TDRD1: variants seen among roughly 807,000 people sequenced by gnomAD.
The protein encoded by TDRD1 is tudor domain containing 1.
TDRD1 carries 37 observed loss-of-function variants against 140.6 expected under a neutral mutation model. The observed-to-expected ratio is 0.26, with a 90% CI of 0.20 to 0.35. TDRD1 has a LOEUF of 0.35. Ranked by LOEUF, TDRD1 falls within the 10% of genes least tolerant of loss-of-function variation. The probability of loss-of-function intolerance (pLI) is 1.00; values close to 1 mark genes in which losing one functional copy is unlikely to be tolerated. For missense variants in TDRD1, 1,243 were observed against 1,393.0 expected (o/e 0.89, Z 1.71); for synonymous variants, 506 against 475.7 (o/e 1.06, Z -0.83).
chr10:114,186,046 A>G (rs1346089369), intron 1 of TDRD1, among the ~76,000 whole-genome samples: 2 of 152,098 alleles, frequency 1.3e-5, no homozygotes, highest in African/African-American at 4.8e-5. Flanking sequence ...ACTCATTGAT[A>G]CTTGGATTAC....
chr10:114,177,489 A>C (rs925376572), upstream of TDRD1, among the ~76,000 whole-genome samples: 16 of 152,238 alleles, frequency 1.1e-4, no homozygotes, highest in African/African-American at 3.6e-4. Context: ...GACAAATTCC[A>C]AAAGTAGGGC....
At chr10:114,208,049 G>T (rs1335102570) in intron 11 of TDRD1, among the ~76,000 whole-genome samples, 1 of 152,074 alleles carries the variant, frequency 6.6e-6, no homozygotes, top group Non-Finnish European at 1.5e-5. Flanking sequence ...TGCTGCCAGT[G>T]GGGAGTATGT....
chr10:114,203,491 C>A (rs1346117004), exon 8 of TDRD1: 1 of 1,613,910 alleles, frequency 6.2e-7, no homozygotes, highest in Non-Finnish European at 8.5e-7. Flanking sequence ...TTAAAAGAAA[C>A]ATATGCAAAT....
intron 11 of TDRD1, among the ~76,000 whole-genome samples, chr10:114,206,734 C>T (rs537362641): frequency 6.6e-6 from 1 of 151,702 alleles, no homozygotes; most frequent in African/African-American, 2.4e-5. Flanking sequence ...CTACCTCAGC[C>T]TCCGGAGGAG....
At chr10:114,180,175 C>T (rs2032923112) in intron 1 of TDRD1, 1 of 152,174 alleles carries the variant, frequency 6.6e-6, no homozygotes, top group Non-Finnish European at 1.5e-5. Context: ...AAATTTTGTG[C>T]TTGTAGGAGT....
At chr10:114,231,499 T>C (rs1315409778) in exon 26 of TDRD1, 2 of 1,602,816 alleles carry the variant, frequency 1.2e-6, no homozygotes, top group Non-Finnish European at 1.7e-6. Context: ...CAGCATCTCT[T>C]GGAGGTAAAC....
chr10:114,206,683 G>A (rs1589688423), intron 11 of TDRD1, among the ~76,000 whole-genome samples: 5 of 147,198 alleles, frequency 3.4e-5, no homozygotes, highest in African/African-American at 1.0e-4. Flanking sequence ...GCATGGTCTC[G>A]GCTCCCTGTA....
intron 1 of TDRD1, among the ~76,000 whole-genome samples, chr10:114,183,026 C>G (rs997294907): frequency 2.6e-5 from 4 of 152,240 alleles, no homozygotes; most frequent in South Asian, 2.1e-4. Flanking sequence ...TATAAAGCAC[C>G]ATGGTGGATA....
chr10:114,212,472 A>G (rs1373596383), intron 14 of TDRD1, among the ~76,000 whole-genome samples: 1 of 152,340 alleles, frequency 6.6e-6, no homozygotes, highest in African/African-American at 2.4e-5. Context: ...AGTATGAGAG[A>G]GTCCATTCTC....
intron 11 of TDRD1, among the ~76,000 whole-genome samples, chr10:114,208,904 G>T (rs534507495): frequency 2.6e-5 from 4 of 151,946 alleles, no homozygotes; most frequent in South Asian, 2.1e-4. Flanking sequence ...CTCCCAAGTG[G>T]CTGGGACTAG....
intron 19 of TDRD1, among the ~76,000 whole-genome samples, 184 bp downstream of exon 19, chr10:114,221,027 G>A (rs2036112595): frequency 6.6e-6 from 1 of 152,058 alleles, no homozygotes; most frequent in Admixed American, 6.6e-5. Flanking sequence ...GTAATTGTCA[G>A]ATAAACATAT....
intron 23 of TDRD1, among the ~76,000 whole-genome samples, chr10:114,227,672 C>G (rs1386807883): frequency 6.6e-6 from 1 of 152,160 alleles, no homozygotes. Context: ...TTTGACAGAC[C>G]TGGCCTCAAT....
At chr10:114,231,420 T>G in intron 25 of TDRD1, 2 of 1,318,430 alleles carry the variant, frequency 1.5e-6, no homozygotes, top group Admixed American at 2.0e-5. Context: ...GTATTTGAAA[T>G]TAAAAGCCAT....
chr10:114,203,202 A>G (rs994570908), intron 7 of TDRD1, 26 bp downstream of exon 7: 2 of 1,559,516 alleles, frequency 1.3e-6, no homozygotes, highest in African/African-American at 2.7e-5. Context: ...CAATCTCCAT[A>G]GACACAGATC....
chr10:114,224,515 C>G (rs2036324210), intron 21 of TDRD1, among the ~76,000 whole-genome samples: 1 of 152,122 alleles, frequency 6.6e-6, no homozygotes, highest in Non-Finnish European at 1.5e-5. Flanking sequence ...GTTTTCTGTT[C>G]TGTTAGGAGC....
exon 12 of TDRD1, chr10:114,210,682 T>A: frequency 6.2e-7 from 1 of 1,613,018 alleles, no homozygotes. Context: ...AGGTGATGAG[T>A]TTTGTGGTGT....
chr10:114,188,302 A>T (rs938246022), intron 2 of TDRD1, 146 bp downstream of exon 2: 15 of 751,648 alleles, frequency 2.0e-5, no homozygotes, highest in African/African-American at 5.3e-5. Context: ...ATTAATTTAG[A>T]AGGAAAAACC....
chr10:114,213,870 A>T, intron 15 of TDRD1, 107 bp from the exon 16 acceptor site: 6 of 1,003,590 alleles, frequency 6.0e-6, no homozygotes, highest in Non-Finnish European at 9.0e-6. Context: ...AAAGGCACTT[A>T]AAAAGTCAGT....
exon 26 of TDRD1, chr10:114,231,491 G>T (rs199927245): frequency 2.5e-6 from 4 of 1,601,420 alleles, no homozygotes; most frequent in East Asian, 4.5e-5. Flanking sequence ...TTCAGAAACA[G>T]CATCTCTTGG....
Sources: allele counts gnomAD v4.1 joint callset (sites outside exome capture counted in the v4.1 genomes callset), GRCh38; gene constraint gnomAD v4.1.1; transcripts MANE v1.5; gene names NCBI Gene and HGNC (gene_info 2026-07-23, HGNC 2026-07-21).